The following IPCEF1 variants were observed in gnomAD, a reference collection of about 807,000 sequenced individuals.
The protein encoded by IPCEF1 is interaction protein for cytohesin exchange factors 1.
A neutral mutation model predicts 50.9 loss-of-function variants in IPCEF1; 31 were observed. That is an observed-to-expected ratio of 0.61 (90% CI 0.46 to 0.82). The LOEUF (loss-of-function observed/expected upper bound fraction) is 0.82. IPCEF1 is among the 40% of genes least tolerant of loss of function. IPCEF1 has a pLI of 0.00. For missense variants in IPCEF1, 458 were observed against 514.0 expected, an observed-to-expected ratio of 0.89 and a Z score of 1.05; for synonymous variants, 181 against 192.0, an observed-to-expected ratio of 0.94 and a Z score of 0.47.
intron 2 of IPCEF1, among the ~76,000 whole-genome samples, chr6:154,287,156 T>C (rs1375430463): frequency 1.1e-5 from 1 of 91,488 alleles, no homozygotes; most frequent in Non-Finnish European, 2.3e-5. Flanking sequence ...TTTGCCCTTC[T>C]CTCCCTCTCT....
chr6:154,214,325 A>G, intron 7 of IPCEF1, 49 bp from the exon 8 acceptor site: 1 of 1,193,964 alleles, frequency 8.4e-7, no homozygotes, highest in African/African-American at 1.5e-5. Flanking sequence ...TTAGCCCCCC[A>G]CCCATTCACC....
Position 154,211,066 on chromosome 6 carries a change from T to C in IPCEF1, c.537+1704A>G, listed in dbSNP as rs527450827. ...GGTAAGTGAATGAGCTACTGTAACC[T>C]GTCAGAACTTGCCATCATTTGGGTC... On this transcript the variant is annotated intron_variant, in intron 9 of 11. Transcript: ENST00000367220. 1.3e-4 allele frequency among the ~76,000 whole-genome samples: 20 copies of C among 152,308 alleles called. 1 individual carries two copies. In the South Asian group the frequency reaches 3.9e-3, roughly 30 times the overall value.
At chr6:154,166,729 T>G (rs1040254873) in intron 11 of IPCEF1, among the ~76,000 whole-genome samples, 1 of 152,214 alleles carries the variant, frequency 6.6e-6, no homozygotes, top group East Asian at 1.9e-4. Context: ...CAGGAAATAC[T>G]TGCTCAATGA....
intron 2 of IPCEF1, among the ~76,000 whole-genome samples, chr6:154,280,501 G>C (rs1782179394): frequency 6.6e-6 from 1 of 152,126 alleles, no homozygotes; most frequent in South Asian, 2.1e-4. Context: ...GAACTACATA[G>C]CAATCAAAAA....
rs560871740 is a variant in IPCEF1, at chr6:154,184,541, G to GTA, written c.910+15125_910+15126dup. On this transcript the variant is annotated intron_variant, in intron 10 of 11. Transcript: ENST00000367220. Reference sequence around the variant, plus strand: ...TGTGTGTACATCTATGTATGTGTATGTATATATATATATGCGCATTGGTAC... The same window carrying GTA: ...TGTGTGTACATCTATGTATGTGTATGTATATATATATATATGCGCATTGGTAC... Among the ~76,000 whole-genome samples, 758 of 150,906 alleles carry GTA rather than the reference G, an allele frequency of 5.0e-3. 6 individuals are homozygous for GTA. Among genetic ancestry groups the GTA allele is most frequent in the African/African-American group, 0.017 (708 of 41,118 alleles).
chr6:154,296,295 A>G (rs1562583751), intron 1 of IPCEF1, among the ~76,000 whole-genome samples: 1 of 152,134 alleles, frequency 6.6e-6, no homozygotes, highest in Non-Finnish European at 1.5e-5. Flanking sequence ...TAAGAAGAGG[A>G]TGTAAAGAAG....
chr6:154,163,473 T>G (rs1799187289), intron 11 of IPCEF1, among the ~76,000 whole-genome samples: 1 of 152,234 alleles, frequency 6.6e-6, no homozygotes, highest in Non-Finnish European at 1.5e-5. Context: ...CCCTTTTCTA[T>G]TCTTTATCAA....
intron 1 of IPCEF1, among the ~76,000 whole-genome samples, chr6:154,320,346 A>G (rs1783342085): frequency 6.6e-6 from 1 of 152,200 alleles, no homozygotes; most frequent in African/African-American, 2.4e-5. Context: ...TCTTTTGGCT[A>G]CTTCACAGCT....
intron 10 of IPCEF1, among the ~76,000 whole-genome samples, chr6:154,181,356 G>A (rs751059881): frequency 5.3e-5 from 8 of 152,044 alleles, no homozygotes; most frequent in Non-Finnish European, 1.2e-4. Context: ...TTAGACCAAC[G>A]TTATTTCATT....
intron 5 of IPCEF1, among the ~76,000 whole-genome samples, chr6:154,229,571 C>T (rs1436217878): frequency 3.3e-5 from 5 of 151,748 alleles, no homozygotes; most frequent in Admixed American, 2.0e-4. Flanking sequence ...TTAGCCAGGA[C>T]GGTCTCGATC....
intron 1 of IPCEF1, among the ~76,000 whole-genome samples, chr6:154,318,596 A>G (rs1257270061): frequency 6.6e-6 from 1 of 151,634 alleles, no homozygotes; most frequent in East Asian, 1.9e-4. Context: ...TCACGCCTCT[A>G]GTCTCAGCAC....
rs1328725721 is a variant in IPCEF1, at chr6:154,313,076, A to AAAAAAAAAC, written c.-61-23321_-61-23320insGTTTTTTTT. Among the ~76,000 whole-genome samples, 64 of 149,728 alleles carry AAAAAAAAAC rather than the reference A, an allele frequency of 4.3e-4. 2 individuals are homozygous for AAAAAAAAAC. The highest frequency in any genetic ancestry group is 8.7e-4 in the Non-Finnish European group (59 of 67,488). ...CTGTGAGGCCCTGTCTCAAAAAAAAAAAAAAAAAAACATGGCCGGGCACAG... is the reference window on the plus strand; with the variant it reads ...CTGTGAGGCCCTGTCTCAAAAAAAAAAAAAAAAACAAAAAAAAAACATGGCCGGGCACAG... On this transcript the variant is annotated intron_variant, in intron 1 of 11. Transcript: ENST00000367220.
At chr6:154,229,715 C>A (rs1448589896) in intron 5 of IPCEF1, among the ~76,000 whole-genome samples, 1 of 152,144 alleles carries the variant, frequency 6.6e-6, no homozygotes, top group Non-Finnish European at 1.5e-5. Flanking sequence ...CAATTCTACT[C>A]CTAGGTGTCT....
chr6:154,345,799 AATAT>A (rs770668156), intron 1 of IPCEF1, among the ~76,000 whole-genome samples: 35 of 152,112 alleles, frequency 2.3e-4, no homozygotes, highest in South Asian at 8.3e-4. Context: ...TTATATCTAA[AATAT>A]ATAATGTGTT....
At chr6:154,333,597 TATATGTATACAAGTATAC>T (rs1562293337) in intron 1 of IPCEF1, among the ~76,000 whole-genome samples, 8 of 151,492 alleles carry the variant, frequency 5.3e-5, no homozygotes, top group African/African-American at 1.5e-4. Flanking sequence ...TATACACATA[TATATGTATACAAGTATAC>T]ATATATACGT....
intron 1 of IPCEF1, among the ~76,000 whole-genome samples, chr6:154,292,163 G>A (rs960417893): frequency 3.3e-5 from 5 of 152,118 alleles, no homozygotes; most frequent in Admixed American, 2.0e-4. Flanking sequence ...ACATGTTTTT[G>A]TAGAGTCCAG....
chr6:154,180,788 T>C (rs1800807405), intron 10 of IPCEF1, among the ~76,000 whole-genome samples: 1 of 152,208 alleles, frequency 6.6e-6, no homozygotes, highest in South Asian at 2.1e-4. Context: ...GCCATATTTC[T>C]TATCAGAATT....
At chr6:154,165,225 C>T (rs779759519) in intron 11 of IPCEF1, among the ~76,000 whole-genome samples, 3 of 152,102 alleles carry the variant, frequency 2.0e-5, no homozygotes, top group Non-Finnish European at 4.4e-5. Context: ...CACTTCCATA[C>T]CACTACTACC....
chr6:154,163,649 T>C (rs919125282), intron 11 of IPCEF1, among the ~76,000 whole-genome samples: 11 of 152,256 alleles, frequency 7.2e-5, no homozygotes, highest in African/African-American at 4.8e-5. Flanking sequence ...TTTACACATG[T>C]AGACATTCGT....
Sources: gnomAD v4.1 joint callset for allele counts (sites outside exome capture counted in the v4.1 genomes callset) on GRCh38, gnomAD v4.1.1 for gene constraint, MANE v1.5 for transcripts, NCBI Gene and HGNC (gene_info 2026-07-23, HGNC 2026-07-21) for gene names.